CACNA1D: variants seen among roughly 807,000 people sequenced by gnomAD.
CACNA1D encodes voltage-dependent L-type calcium channel subunit alpha-1D.
Under a neutral mutation model 257.1 loss-of-function variants are expected in CACNA1D, and 55 were observed. That is an observed-to-expected ratio of 0.21 (90% confidence interval 0.17 to 0.27). The LOEUF is 0.27. Among genes scored for constraint, CACNA1D ranks in the 10% least tolerant of loss-of-function variants. The pLI, the probability that CACNA1D is intolerant of heterozygous loss-of-function variation, is 1.00. For synonymous variants in CACNA1D, 980 were observed against 1,014.9 expected (o/e 0.97, Z 0.65); for missense variants, 1,876 against 2,784.0 (o/e 0.67, Z 7.34).
At chr3:53,715,155 G>A (rs760879641) in intron 9 of CACNA1D, among the ~76,000 whole-genome samples, 1 of 152,190 alleles carries the variant, frequency 6.6e-6, no homozygotes, top group Admixed American at 6.5e-5. Flanking sequence ...CCTCTGCCCA[G>A]ATTTAGGGGC....
In CACNA1D at chr3:53,769,143, C is replaced by T. The variant is rs3774582; in HGVS notation, c.3871-830C>T. The stretch of plus-strand genomic sequence containing the variant: ...GTAGTGCTAGGCACCATGCTGGGCA[C>T]GGAGTGGAGTGAGGCAAGGCCCCTG... On this transcript the variant is annotated intron_variant, in intron 30 of 47. Coordinates refer to ENST00000350061, the MANE Select transcript of CACNA1D (RefSeq NM_001128840.3). Among the ~76,000 whole-genome samples, 10 of 152,324 alleles carry T rather than the reference C, an allele frequency of 6.6e-5. No homozygotes were observed. In the East Asian group the frequency reaches 9.6e-4, roughly 15 times the overall value.
intron 8 of CACNA1D, among the ~76,000 whole-genome samples, chr3:53,701,437 T>G (rs2094624682): frequency 6.6e-6 from 1 of 152,226 alleles, no homozygotes; most frequent in Non-Finnish European, 1.5e-5. Context: ...TGGCTGGGGT[T>G]AGCTTTATGA....
chr3:53,798,210 A>G (rs1236583841), intron 40 of CACNA1D, among the ~76,000 whole-genome samples: 1 of 152,218 alleles, frequency 6.6e-6, no homozygotes, highest in African/African-American at 2.4e-5. Flanking sequence ...TGTTTCCATG[A>G]GAATGGCAGG....
At chr3:53,782,568 C>T (rs1008580007) in intron 39 of CACNA1D, 1 of 152,080 alleles carries the variant, frequency 6.6e-6, no homozygotes, top group Non-Finnish European at 1.5e-5. Context: ...GGACGGTGAC[C>T]GAGGCCCTGC....
intron 29 of CACNA1D, among the ~76,000 whole-genome samples, chr3:53,754,273 C>T (rs1288206741): frequency 1.3e-5 from 2 of 152,180 alleles, no homozygotes; most frequent in Non-Finnish European, 2.9e-5. Context: ...GACGACTCAG[C>T]GTGTTGTACC....
intron 3 of CACNA1D, among the ~76,000 whole-genome samples, chr3:53,510,351 C>T (rs905708016): frequency 1.3e-5 from 2 of 152,188 alleles, no homozygotes; most frequent in African/African-American, 4.8e-5. Flanking sequence ...CTTTTTCCCA[C>T]TCAATAGACC....
intron 20 of CACNA1D, among the ~76,000 whole-genome samples, chr3:53,735,816 G>A (rs1261416548): frequency 6.6e-6 from 1 of 152,162 alleles, no homozygotes; most frequent in Non-Finnish European, 1.5e-5. Context: ...TTCCCTCCCT[G>A]CTCAGGTTTA....
chr3:53,601,178 C>G (rs1358985949), intron 3 of CACNA1D, among the ~76,000 whole-genome samples: 1 of 152,218 alleles, frequency 6.6e-6, no homozygotes, highest in African/African-American at 2.4e-5. Flanking sequence ...CACTGCCCCT[C>G]CATCCTCCTT....
At chr3:53,572,374 G>GTTTATTTATTTA (rs200926153) in intron 3 of CACNA1D, among the ~76,000 whole-genome samples, 7 of 141,634 alleles carry the variant, frequency 4.9e-5, no homozygotes, top group African/African-American at 1.9e-4. Context: ...TTGTTTGTTT[G>GTTTATTTATTTA]TTTATTTATT....
chr3:53,553,828 G>C (rs1214992999), intron 3 of CACNA1D, among the ~76,000 whole-genome samples: 2 of 151,336 alleles, frequency 1.3e-5, no homozygotes, highest in Non-Finnish European at 2.9e-5. Context: ...TGAGTTCAAA[G>C]GTTCTTCTAA....
chr3:53,557,289 G>T (rs1367299421), intron 3 of CACNA1D, among the ~76,000 whole-genome samples: 3 of 152,120 alleles, frequency 2.0e-5, no homozygotes, highest in Non-Finnish European at 1.5e-5. Context: ...GAGGTCGGGA[G>T]TTTGAGACCA....
At chr3:53,767,926 T>C (rs2095343598) in intron 30 of CACNA1D, among the ~76,000 whole-genome samples, 1 of 152,186 alleles carries the variant, frequency 6.6e-6, no homozygotes, top group Non-Finnish European at 1.5e-5. Flanking sequence ...TGGTGTGCTG[T>C]TTGCTCTTTC....
At chr3:53,721,183 A>G (rs1288598687) in intron 11 of CACNA1D, among the ~76,000 whole-genome samples, 4 of 152,138 alleles carry the variant, frequency 2.6e-5, no homozygotes, top group African/African-American at 7.2e-5. Context: ...TGCTCTTTCC[A>G]TTGGAACCTG....
At chr3:53,810,778 A>C (rs78658350) in intron 47 of CACNA1D, among the ~76,000 whole-genome samples, 10 of 148,494 alleles carry the variant, frequency 6.7e-5, no homozygotes, top group African/African-American at 2.0e-4. Flanking sequence ...AAAAAAAAAA[A>C]AAAAAAAACA....
chr3:53,787,030 ATTC>A (rs972536663), intron 40 of CACNA1D, 78 bp downstream of exon 40: 2 of 1,472,252 alleles, frequency 1.4e-6, no homozygotes, highest in African/African-American at 2.8e-5. Flanking sequence ...AGAGCTGCCT[ATTC>A]ATGGTTGAGC....
In CACNA1D at chr3:53,801,043, C is replaced by T. The variant is rs1576713089; in HGVS notation, c.5041-15C>T. 5.0e-6 allele frequency: 8 copies of T among 1,613,332 alleles called. No homozygotes were observed. Among genetic ancestry groups the T allele is most frequent in the Non-Finnish European group, 5.9e-6 (7 of 1,179,338 alleles). On this transcript the variant is annotated splice_polypyrimidine_tract_variant and intron_variant, in intron 41 of 47. Transcript: ENST00000350061. ...CTTGTTAAATTACCTGGTGTTGTCT[C>T]CCATTATTTTGCAGAGAAATGGTGC...
chr3:53,734,782 T>C (rs962695571), intron 19 of CACNA1D, among the ~76,000 whole-genome samples: 1 of 151,990 alleles, frequency 6.6e-6, no homozygotes. Context: ...CTCCAAAATT[T>C]AAAAAAATAA....
At chr3:53,553,487 G>A (rs1387607398) in intron 3 of CACNA1D, among the ~76,000 whole-genome samples, 2 of 152,188 alleles carry the variant, frequency 1.3e-5, no homozygotes, top group Non-Finnish European at 2.9e-5. Context: ...CAGCACTGCT[G>A]CCACCACTGC....
At chr3:53,561,083 A>G (rs1398066970) in intron 3 of CACNA1D, among the ~76,000 whole-genome samples, 1 of 152,176 alleles carries the variant, frequency 6.6e-6, no homozygotes, top group Non-Finnish European at 1.5e-5. Context: ...AAATGCTTTC[A>G]TCTTCATTTT....
Sources: allele counts gnomAD v4.1 joint callset (sites outside exome capture counted in the v4.1 genomes callset), GRCh38; gene constraint gnomAD v4.1.1; transcripts MANE v1.5; gene names NCBI Gene and HGNC (gene_info 2026-07-23, HGNC 2026-07-21).